The following ZNF841 variants were observed in gnomAD, a reference collection of about 807,000 sequenced individuals.
ZNF841 encodes the protein zinc finger protein 841.
Under a neutral mutation model 13.0 loss-of-function variants are expected in ZNF841, and 11 were observed. The observed-to-expected ratio is 0.85, with a 90% confidence interval of 0.53 to 1.40. The LOEUF is 1.40. Ranked by LOEUF, ZNF841 falls within the 40% of genes most tolerant of loss-of-function variation. ZNF841 has a pLI of 0.00. For missense variants in ZNF841, 1,068 were observed against 1,139.5 expected (o/e 0.94, Z 0.90); for synonymous variants, 369 against 381.6 (o/e 0.97, Z 0.38).
chr19:52,081,411 C>T (rs977121485), intron 4 of ZNF841, among the ~76,000 whole-genome samples: 1 of 151,998 alleles, frequency 6.6e-6, no homozygotes, highest in Non-Finnish European at 1.5e-5. Context: ...ATGTGAATTA[C>T]CAAAGAATTT....
chr19:52,064,353 C>CAAAAAAAAAAAAA (rs56135758), downstream of ZNF841: 4 of 35,454 alleles, frequency 1.1e-4, 1 homozygote, highest in Admixed American at 4.2e-4. Context: ...ACTCCGTCTC[C>CAAAAAAAAAAAAA]AAAAAAAAAA....
chr19:52,061,845 C>T (rs1235403644), downstream of ZNF841, among the ~76,000 whole-genome samples: 1 of 152,160 alleles, frequency 6.6e-6, no homozygotes, highest in Non-Finnish European at 1.5e-5. Context: ...CGTGCCAAAC[C>T]AGATGACCCC....
At chr19:52,063,295 T>C (rs2087435942), downstream of ZNF841, among the ~76,000 whole-genome samples, 2 of 152,166 alleles carry the variant, frequency 1.3e-5, no homozygotes, top group South Asian at 2.1e-4. Flanking sequence ...TTAAGCACAC[T>C]GATATGACTT....
Position 52,065,460 on chromosome 19 carries a change from G to C in ZNF841, c.2422C>G (p.Leu808Val), listed in dbSNP as rs1239377083. Residue 808 changes from leucine (L) to valine (V), a missense_variant, in exon 7 of 7, where the codon CTG becomes GTG. Transcript: ENST00000594440. ...GTATGCATCATCTGATGATTAAGCA[G>C]AATTGAACGTACTCTAAAGGCTTTG... ...CGKAFRVRSI[L>V]LNHQMMHTGE... The C allele has an allele frequency of 6.2e-7, 1 of 1,613,868 alleles. No homozygotes were observed. Among genetic ancestry groups the C allele is most frequent in the Non-Finnish European group, 8.5e-7 (1 of 1,179,976 alleles).
intron 6 of ZNF841, among the ~76,000 whole-genome samples, chr19:52,075,196 G>C (rs1020951800): frequency 6.6e-6 from 1 of 152,138 alleles, no homozygotes; most frequent in Admixed American, 6.5e-5. Context: ...GCAAGTCTCA[G>C]AGGCAAAAAA....
At chr19:52,059,339 G>A in the ZNF841 span, among the ~76,000 whole-genome samples, 1 of 103,906 alleles carries the variant, frequency 9.6e-6, no homozygotes, top group Admixed American at 1.2e-4. Context: ...GACAGAGCGA[G>A]ACTCTGTCTA....
chr19:52,085,842 AC>A (rs1267618869), intron 3 of ZNF841, among the ~76,000 whole-genome samples: 2 of 152,258 alleles, frequency 1.3e-5, no homozygotes, highest in Admixed American at 1.3e-4. Flanking sequence ...CCCACAGCTC[AC>A]AGTAATTTCA....
At position 52,065,229 on chromosome 19, in the gene ZNF841, A is replaced by G; in HGVS notation, c.2653T>C (p.Ser885Pro). Reference protein sequence around the residue: ...KPYKCNECGKSYISRSGLTKH... With the variant: ...KPYKCNECGKPYISRSGLTKH... ...GTGAGGCCTGAGCGACTAATGTAAG[A>G]TTTGCCACACTCATTACATTTATAA... is the stretch of plus-strand genomic sequence containing the variant. The change falls in exon 7 of 7, where the codon TCT becomes CCT. Residue 885 changes from serine to proline, a missense_variant. Coordinates refer to ENST00000594440, the MANE Select transcript of ZNF841 (RefSeq NM_001136499.2). 6.2e-7 allele frequency: 1 copy of G among 1,612,690 alleles called. No homozygotes were observed. Among genetic ancestry groups the G allele is most frequent in the South Asian group, 1.1e-5 (1 of 90,920 alleles).
chr19:52,060,019 C>T (rs1045850792), downstream of ZNF841, among the ~76,000 whole-genome samples: 3 of 152,174 alleles, frequency 2.0e-5, no homozygotes, highest in Non-Finnish European at 4.4e-5. Context: ...CAACGGGAAA[C>T]CTCTAGTAGT....
chr19:52,090,506 G>A (rs1428905600), intron 2 of ZNF841, among the ~76,000 whole-genome samples: 1 of 151,824 alleles, frequency 6.6e-6, no homozygotes. Flanking sequence ...GCCTGAGGCA[G>A]GAGGGTTGCC....
Position 52,064,561 on chromosome 19 carries a change from G to T in ZNF841, c.*546C>A, listed in dbSNP as rs2087477608. The T allele has an allele frequency of 6.5e-6, 1 of 153,690 alleles. No individual in the cohort carries two copies. Among genetic ancestry groups the T allele is most frequent in the African/African-American group, 2.4e-5 (1 of 41,402 alleles). 9.5% of individuals were successfully genotyped at this position (153,690 alleles called of 1,614,324 possible). The stretch of plus-strand genomic sequence containing the variant: ...CACCCTCTCGGGAAACCTGAGGAAG[G>T]TTAAAATGATGGTGGGAGGTGAAGG... On this transcript the variant is annotated 3_prime_UTR_variant, in exon 7 of 7. Coordinates refer to ENST00000594440, the MANE Select transcript of ZNF841 (RefSeq NM_001136499.2).
chr19:52,069,638 C>T (rs1029458771), intron 6 of ZNF841, among the ~76,000 whole-genome samples: 1 of 152,130 alleles, frequency 6.6e-6, no homozygotes, highest in Non-Finnish European at 1.5e-5. Flanking sequence ...GTGCATAGAA[C>T]TTCAGGAATG....
chr19:52,090,465 C>T (rs78369132), intron 2 of ZNF841, among the ~76,000 whole-genome samples: 25,023 of 151,314 alleles, frequency 0.17, 2,607 homozygotes, highest in East Asian at 0.4. Context: ...CAGGTATGGT[C>T]GTGCATACCT....
chr19:52,060,198 C>A (rs2087373998), downstream of ZNF841, among the ~76,000 whole-genome samples: 1 of 152,210 alleles, frequency 6.6e-6, no homozygotes, highest in South Asian at 2.1e-4. Flanking sequence ...ATGCCAAGAA[C>A]CTAAACAACT....
At chr19:52,089,378 C>CA (rs2088395491) in intron 2 of ZNF841, among the ~76,000 whole-genome samples, 1 of 152,166 alleles carries the variant, frequency 6.6e-6, no homozygotes, top group African/African-American at 2.4e-5. Flanking sequence ...CATGATTGCT[C>CA]ACCCCTGTAA....
chr19:52,066,820 A>G lies in ZNF841; in HGVS notation c.1062T>C (p.Phe354=), dbSNP rs1252802514. The G allele has an allele frequency of 1.9e-6, 3 of 1,613,856 alleles. No individual in the cohort carries two copies. The highest frequency in any genetic ancestry group is 2.5e-6 in the Non-Finnish European group (3 of 1,179,940). ...PYICNECGKS[F]SKSSHLAVHQ... ...GAACTGCAAGGTGGGAACTTTTACT[A>G]AAGGACTTGCCACATTCATTACATA... The change falls in exon 7 of 7, where the codon TTT becomes TTC. Residue 354 remains phenylalanine (F), a synonymous_variant. Coordinates refer to ENST00000594440, the MANE Select transcript of ZNF841 (RefSeq NM_001136499.2).
rs369122307 is a variant in ZNF841, at chr19:52,067,479, G to A, written c.403C>T (p.Arg135Trp). The change falls in exon 7 of 7, where the codon CGG becomes TGG. Residue 135 changes from arginine (R) to tryptophan (W), a missense_variant. Coordinates refer to ENST00000594440, the MANE Select transcript of ZNF841 (RefSeq NM_001136499.2). ...DTENFYFREI[R>W]KNLQEVDFQW... ...AAGTCAACTTCCTGTAGATTTTTCC[G>A]GATTTCCCTGAAGTAAAAATTTTCA... 86 of 1,562,716 alleles carry A rather than the reference G, an allele frequency of 5.5e-5. No homozygotes were observed. Among genetic ancestry groups the A allele is most frequent in the South Asian group, 2.6e-4 (22 of 85,256 alleles).
intron 3 of ZNF841, 129 bp downstream of exon 3, chr19:52,088,808 G>A (rs2088376224): frequency 6.6e-6 from 1 of 152,110 alleles, no homozygotes; most frequent in Non-Finnish European, 1.5e-5. Flanking sequence ...ATTGTTTGGT[G>A]CAATACGATA....
chr19:52,094,958 TTGCCGTGTATTTA>T (rs1440636019), intron 1 of ZNF841, among the ~76,000 whole-genome samples: 1 of 152,206 alleles, frequency 6.6e-6, no homozygotes, highest in African/African-American at 2.4e-5. Flanking sequence ...ATCATCCATT[TTGCCGTGTATTTA>T]TGGGTCTCCC....
Sources: gnomAD v4.1 joint callset for allele counts (sites outside exome capture counted in the v4.1 genomes callset) on GRCh38, gnomAD v4.1.1 for gene constraint, MANE v1.5 for transcripts, NCBI Gene and HGNC (gene_info 2026-07-23, HGNC 2026-07-21) for gene names.